Variants in UBN1 observed in about 807,000 individuals in gnomAD.
UBN1 encodes the protein ubinuclein 1, also known as ubinuclein-1.
Under a neutral mutation model 108.5 loss-of-function variants are expected in UBN1, and 17 were observed. The ratio of observed to expected loss-of-function variants is 0.16; its 90% CI spans 0.11 to 0.24. The LOEUF (loss-of-function observed/expected upper bound fraction) is 0.24, where lower values mean the gene tolerates loss of function less well. UBN1 is among the 10% of genes least tolerant of loss of function. The pLI is 1.00. For missense variants in UBN1, 1,595 were observed against 1,394.4 expected, an observed-to-expected ratio of 1.14 and a Z score of -2.29; for synonymous variants, 726 against 564.2, an observed-to-expected ratio of 1.29 and a Z score of -4.07.
At chr16:4,862,553 C>G (rs1331437436) in intron 7 of UBN1, among the ~76,000 whole-genome samples, 1 of 152,190 alleles carries the variant, frequency 6.6e-6, no homozygotes, top group Non-Finnish European at 1.5e-5. Context: ...ACTCCTTGTT[C>G]TTTTTAATCC....
rs140009742 is a variant in UBN1 at position 4,860,136 on chromosome 16, C to T, written c.671+168C>T. Among the ~76,000 whole-genome samples, 1,081 of 152,358 alleles carry T rather than the reference C, an allele frequency of 7.1e-3. 16 individuals are homozygous for T. Among genetic ancestry groups the T allele is most frequent in the African/African-American group, 0.024 (1,015 of 41,584 alleles). Reference sequence around the variant, plus strand: ...CCATTCTGGGCATAGACGCTCACCTCTCAGTGTGTCAGATAGTTCCACTGT... The same window carrying T: ...CCATTCTGGGCATAGACGCTCACCTTTCAGTGTGTCAGATAGTTCCACTGT... On this transcript the variant is annotated intron_variant, in intron 6 of 17. Transcript: ENST00000262376.
Position 4,878,686 on chromosome 16 carries a change from C to CTTACTCTCAGGAATG in UBN1, c.3355+1223_3355+1237dup, listed in dbSNP as rs1427813531. 2.0e-5 allele frequency among the ~76,000 whole-genome samples: 3 copies of CTTACTCTCAGGAATG among 152,284 alleles called. No individual in the cohort carries two copies. The East Asian group carries it at 5.8e-4, about 29-fold the overall frequency. ...CCAAAGTCAGGCTGCCCTGCCTTTG[C>CTTACTCTCAGGAATG]TTACTCTCAGGAATGTTACTCTCAG... On this transcript the variant is annotated intron_variant, in intron 17 of 17. Coordinates refer to ENST00000262376, the MANE Select transcript of UBN1 (RefSeq NM_001079514.3).
rs1285448668 is a variant in UBN1 at position 4,874,271 on chromosome 16, A to C, written c.1861A>C (p.Ile621Leu). ...SVPSGQIGGP[I>L]ALPSDHQTGG... is the part of the protein sequence containing the mutation. ...CCCATCAGGACAGATTGGTGGCCCCATTGCTTTGCCCTCAGATCACCAAAC... is the reference window on the plus strand; with the variant it reads ...CCCATCAGGACAGATTGGTGGCCCCCTTGCTTTGCCCTCAGATCACCAAAC... The change falls in exon 15 of 18, where the codon ATT becomes CTT. Residue 621 changes from isoleucine to leucine, a missense_variant. By Grantham distance (5) the Ile-to-Leu change is conservative. This residue lies in a region of UBN1 where 1,398 missense variants were observed against 1,194.7 expected (regional missense o/e 1.17). Coordinates refer to ENST00000262376, the MANE Select transcript of UBN1 (RefSeq NM_001079514.3). 1.2e-6 allele frequency: 2 copies of C among 1,612,328 alleles called. No individual in the cohort carries two copies. Among genetic ancestry groups the C allele is most frequent in the Non-Finnish European group, 1.7e-6 (2 of 1,179,006 alleles).
In UBN1 at chr16:4,853,148, C is replaced by T. The variant is rs1002290266; in HGVS notation, c.231C>T (p.Gly77=). 2 of 1,614,056 alleles carry T rather than the reference C, an allele frequency of 1.2e-6. No homozygotes were observed. The highest frequency in any genetic ancestry group is 1.7e-6 in the Non-Finnish European group (2 of 1,180,038). ...LVKNIRGKVK[G]LQPGDKKKDL... ...AGAATATCCGAGGGAAGGTAAAAGG[C>T]CTTCAGCCTGGAGATAAGGTACACC... Residue 77 remains glycine (G), a synonymous_variant, in exon 2 of 18, where the codon GGC becomes GGT. Coordinates refer to ENST00000262376, the MANE Select transcript of UBN1 (RefSeq NM_001079514.3).
At chr16:4,870,384 G>A in intron 9 of UBN1, 43 bp downstream of exon 9, 1 of 1,612,012 alleles carries the variant, frequency 6.2e-7, no homozygotes, top group South Asian at 1.1e-5. Context: ...TGGGGTCCTG[G>A]CGGAGGGGTG....
intron 8 of UBN1, among the ~76,000 whole-genome samples, chr16:4,869,982 C>T (rs1438830944): frequency 6.6e-6 from 1 of 152,160 alleles, no homozygotes; most frequent in Non-Finnish European, 1.5e-5. Flanking sequence ...GGTATTGTGA[C>T]CTAAGAGCCT....
At chr16:4,855,416 A>T (rs2086756341) in intron 2 of UBN1, among the ~76,000 whole-genome samples, 1 of 152,004 alleles carries the variant, frequency 6.6e-6, no homozygotes, top group African/African-American at 2.4e-5. Context: ...GGAGTTCAAG[A>T]CTAGCCTGGG....
chr16:4,858,470 G>A lies in UBN1; in HGVS notation c.337-98G>A, dbSNP rs545934046. The A allele has an allele frequency of 1.0e-4, 110 of 1,048,860 alleles. No homozygotes were observed. In the African/African-American group the frequency reaches 1.5e-3, roughly 14 times the overall value. 65.0% of individuals were successfully genotyped at this position (1,048,860 alleles called of 1,614,324 possible). ...TGAGAGAGTGACTGTTTTAGTTAGT[G>A]CATTACCTCTTTGAGTCATAGCTGA... On this transcript the variant is annotated intron_variant, in intron 3 of 17. Coordinates refer to ENST00000262376, the MANE Select transcript of UBN1 (RefSeq NM_001079514.3).
chr16:4,867,697 AG>A (rs2087404318), intron 7 of UBN1, among the ~76,000 whole-genome samples: 1 of 152,074 alleles, frequency 6.6e-6, no homozygotes, highest in Non-Finnish European at 1.5e-5. Context: ...GAGCTGGTGG[AG>A]GAGGCAGATG....
intron 12 of UBN1, 46 bp from the exon 13 acceptor site, chr16:4,872,838 A>C: frequency 1.9e-6 from 3 of 1,611,532 alleles, no homozygotes; most frequent in Non-Finnish European, 2.5e-6. Flanking sequence ...GCAGAGTCCC[A>C]GCTTTCTGGG....
chr16:4,878,831 C>T (rs1381083405), intron 17 of UBN1, among the ~76,000 whole-genome samples: 1 of 151,972 alleles, frequency 6.6e-6, no homozygotes, highest in Non-Finnish European at 1.5e-5. Flanking sequence ...GGCAACATGG[C>T]AAGACCCTAT....
At chr16:4,852,145 A>G (rs1596471215) in intron 1 of UBN1, 2 of 152,354 alleles carry the variant, frequency 1.3e-5, no homozygotes, top group South Asian at 4.1e-4. Context: ...GAACTCTTTT[A>G]AAAAGCAGGA....
At chr16:4,853,335 G>T (rs1449708918) in intron 2 of UBN1, among the ~76,000 whole-genome samples, 169 bp downstream of exon 2, 2 of 152,128 alleles carry the variant, frequency 1.3e-5, no homozygotes, top group Admixed American at 1.3e-4. Context: ...ACCTCTGTGC[G>T]CAAAGGGAGA....
Position 4,877,383 on chromosome 16 carries a change from AG to A in UBN1, c.3266del. ...CTTTTCTCCCCTCCTGTTTTCTCTC[AG>A]GTCTTCTGGCTGGCTTGCACTCCAG... On this transcript the variant is annotated splice_acceptor_variant, in intron 16 of 17. Transcript: ENST00000262376. LOFTEE classifies it high-confidence loss of function. This position sits in a 1 kb window ranked among gnomAD's most constrained non-coding sequence, Gnocchi z 4.3. 6.2e-7 allele frequency: 1 copy of A among 1,608,812 alleles called. No homozygotes were observed. Among genetic ancestry groups the A allele is most frequent in the Non-Finnish European group, 8.5e-7 (1 of 1,177,302 alleles).
chr16:4,857,949 A>C, intron 2 of UBN1, 41 bp from the exon 3 acceptor site: 1 of 1,440,082 alleles, frequency 6.9e-7, no homozygotes. Flanking sequence ...GAACATGGGA[A>C]TATTTTCTGA....
chr16:4,862,695 G>A (rs1261356800), intron 7 of UBN1, among the ~76,000 whole-genome samples: 1 of 152,242 alleles, frequency 6.6e-6, no homozygotes, highest in Admixed American at 6.5e-5. Flanking sequence ...TCGTGCCATA[G>A]GTTGTGTTCT....
intron 9 of UBN1, 36 bp from the exon 10 acceptor site, chr16:4,870,480 G>A (rs2087573934): frequency 1.9e-6 from 3 of 1,613,728 alleles, no homozygotes; most frequent in Non-Finnish European, 2.5e-6. Context: ...AGAGCGATGT[G>A]TAAACCTGCC....
rs1476584877 is a variant in UBN1, at chr16:4,870,875, A to AGGGACCGGATTTGTTCGGATGAGG, written c.1463_1486dup (p.Glu495_Glu496insGlyAspArgIleCysSerAspGlu). 6.2e-7 allele frequency: 1 copy of AGGGACCGGATTTGTTCGGATGAGG among 1,614,074 alleles called. No homozygotes were observed. Among genetic ancestry groups the AGGGACCGGATTTGTTCGGATGAGG allele is most frequent in the Admixed American group, 1.7e-5 (1 of 60,022 alleles). On this transcript the variant is annotated inframe_insertion, in exon 11 of 18. Coordinates refer to ENST00000262376, the MANE Select transcript of UBN1 (RefSeq NM_001079514.3). ...GGAAGAGGAGAAAGACAAGGAGCAG[A>AGGGACCGGATTTGTTCGGATGAGG]GGGACCGGATTTGTTCGGATGAGGA...
At chr16:4,869,258 G>C (rs1366261376) in intron 8 of UBN1, among the ~76,000 whole-genome samples, 2 of 152,198 alleles carry the variant, frequency 1.3e-5, no homozygotes, top group African/African-American at 2.4e-5. Context: ...AAGAATGAGA[G>C]ACAGCCTGGT....
Sources: gnomAD v4.1 joint callset for allele counts (sites outside exome capture counted in the v4.1 genomes callset) on GRCh38, gnomAD v4.1.1 for gene constraint, gnomAD v4.1.1 regional missense constraint, Gnocchi (gnomAD v3.1) non-coding constraint, MANE v1.5 for transcripts, NCBI Gene and HGNC (gene_info 2026-07-23, HGNC 2026-07-21) for gene names.